The following DNAH12 variants were observed in gnomAD, a reference collection of about 807,000 sequenced individuals.
DNAH12 encodes axonemal beta dynein heavy chain 12.
A neutral mutation model predicts 371.5 loss-of-function variants in DNAH12; 285 were observed. The ratio of observed to expected loss-of-function variants is 0.77; its 90% CI spans 0.70 to 0.85. DNAH12 has a LOEUF of 0.85. Among genes scored for constraint, DNAH12 ranks in the 40% least tolerant of loss-of-function variants. DNAH12 has a pLI of 0.00. For missense variants in DNAH12, 3,611 were observed against 3,689.4 expected (o/e 0.98, Z 0.55); for synonymous variants, 1,200 against 1,213.0 (o/e 0.99, Z 0.22).
At chr3:57,550,203 C>A in the DNAH12 span, among the ~76,000 whole-genome samples, 1 of 152,012 alleles carries the variant, frequency 6.6e-6, no homozygotes, top group South Asian at 2.1e-4. Flanking sequence ...TAGTCCTAAC[C>A]ACCTGGGAGA....
intron 48 of DNAH12, 115 bp from the exon 49 acceptor site, chr3:57,385,120 G>C (rs1268656057): frequency 6.6e-6 from 1 of 152,020 alleles, no homozygotes; most frequent in Admixed American, 6.6e-5. Context: ...AGGATAGAAG[G>C]GTCTATAATA....
At chr3:57,360,375 G>T (rs1289508090) in intron 58 of DNAH12, among the ~76,000 whole-genome samples, 5 of 151,994 alleles carry the variant, frequency 3.3e-5, no homozygotes, top group Non-Finnish European at 7.4e-5. Context: ...CAAAAGGGAA[G>T]GGTGCCTAGA....
At position 57,507,842 on chromosome 3, in the gene DNAH12, T is replaced by C. The variant is rs756380168; in HGVS notation, c.702-4A>G. ...ACAGTCAATTGGACCTTTAGCTCTA[T>C]TTATGAGAAAAAGAAATGTGATTTG... On this transcript the variant is annotated splice_polypyrimidine_tract_variant and splice_region_variant and intron_variant, in intron 7 of 73. Transcript: ENST00000495027. 3.8e-6 allele frequency: 6 copies of C among 1,560,866 alleles called. 1 individual carries two copies. The South Asian group carries it at 6.0e-5, about 16-fold the overall frequency.
At chr3:57,451,246 A>G (rs755308274) in intron 25 of DNAH12, among the ~76,000 whole-genome samples, 3 of 152,260 alleles carry the variant, frequency 2.0e-5, no homozygotes, top group African/African-American at 4.8e-5. Context: ...CAGCACAGGT[A>G]GAGTGGTACT....
intron 11 of DNAH12, among the ~76,000 whole-genome samples, chr3:57,490,404 G>A (rs529037215): frequency 3.9e-5 from 6 of 152,300 alleles, no homozygotes; most frequent in African/African-American, 1.4e-4. Flanking sequence ...TGGAATGTAT[G>A]TCAACTTCTT....
At chr3:57,402,432 A>T in intron 43 of DNAH12, 1 of 1,305,022 alleles carries the variant, frequency 7.7e-7, no homozygotes, top group Non-Finnish European at 1.0e-6. Context: ...ATAAAGCTCT[A>T]AAGAAACTAT....
intron 2 of DNAH12, among the ~76,000 whole-genome samples, chr3:57,526,579 A>C (rs1398902646): frequency 7.9e-6 from 1 of 126,658 alleles, no homozygotes; most frequent in African/African-American, 3.1e-5. Flanking sequence ...GCCAGGCTGG[A>C]GTGTGGTGGC....
chr3:57,519,869 C>T, intron 4 of DNAH12: 1 of 966,158 alleles, frequency 1.0e-6, no homozygotes, highest in Non-Finnish European at 1.7e-6. Context: ...GCGCACATAT[C>T]TCACTCCACG....
chr3:57,390,403 T>G, intron 45 of DNAH12, among the ~76,000 whole-genome samples: 1 of 16,128 alleles, frequency 6.2e-5, no homozygotes, highest in African/African-American at 1.2e-4. Flanking sequence ...ACAGAGATCC[T>G]GTCTCAAAAA....
rs1172591337 is a variant in DNAH12, at chr3:57,401,393, CA to C, written c.6948+1915del. Among the ~76,000 whole-genome samples the C allele has an allele frequency of 1.5e-3, 183 of 120,032 alleles. 1 individual carries two copies. Among genetic ancestry groups the C allele is most frequent in the Admixed American group, 2.0e-3 (24 of 11,932 alleles). The allele number at this position is 120,032 out of a possible 152,430, so 78.7% of individuals were successfully genotyped here. A position where few individuals can be genotyped will look rare whatever the true frequency, so the allele number is the denominator to read the frequency against. Reference sequence around the variant, plus strand: ...GGTGAAACCCATCTCTACTAAAATACAAAAAAAAAAAAAAGAAAAAATTATC... The same window carrying C: ...GGTGAAACCCATCTCTACTAAAATACAAAAAAAAAAAAAGAAAAAATTATC... On this transcript the variant is annotated intron_variant, in intron 43 of 73. Transcript: ENST00000495027.
chr3:57,331,823 C>T (rs2062104208), intron 62 of DNAH12, among the ~76,000 whole-genome samples: 1 of 152,104 alleles, frequency 6.6e-6, no homozygotes, highest in South Asian at 2.1e-4. Flanking sequence ...TAGCAAGAAC[C>T]CTGCTAGCCA....
chr3:57,468,508 A>G (rs2066269279), intron 17 of DNAH12: 1 of 232,090 alleles, frequency 4.3e-6, no homozygotes, highest in African/African-American at 2.3e-5. Flanking sequence ...CCAGCTACTC[A>G]GGAGGCTGAG....
chr3:57,552,809 G>A, the DNAH12 span, among the ~76,000 whole-genome samples: 1 of 152,130 alleles, frequency 6.6e-6, no homozygotes, highest in East Asian at 1.9e-4. Flanking sequence ...AGACCAAGGA[G>A]TTCAAGGCTC....
rs143899517 is a variant in DNAH12 at position 57,516,362 on chromosome 3, C to T, written c.280-5383G>A. On this transcript the variant is annotated intron_variant, in intron 4 of 73. Coordinates refer to ENST00000495027, the MANE Select transcript of DNAH12 (RefSeq NM_001366028.2). ...CAGGCATGAGCCACCATGCCCGGCC[C>T]ATGTACTGCCTAATCTTAAAATTCT... 3.8e-3 allele frequency among the ~76,000 whole-genome samples: 577 copies of T among 152,044 alleles called. 2 individuals carry two copies. Among genetic ancestry groups the T allele is most frequent in the African/African-American group, 0.013 (540 of 41,510 alleles).
chr3:57,425,774 T>C (rs1427520910), intron 34 of DNAH12, among the ~76,000 whole-genome samples: 1 of 133,122 alleles, frequency 7.5e-6, no homozygotes, highest in African/African-American at 3.2e-5. Context: ...AGAAATGAAG[T>C]CTCTAAGAGC....
chr3:57,347,253 T>C (rs2062564065), intron 60 of DNAH12, among the ~76,000 whole-genome samples: 2 of 152,096 alleles, frequency 1.3e-5, no homozygotes, highest in Non-Finnish European at 2.9e-5. Flanking sequence ...AGCAACAAAA[T>C]ACAGCAAATC....
intron 1 of DNAH12, 61 bp from the exon 2 acceptor site, chr3:57,542,964 A>G (rs1459817407): frequency 4.1e-6 from 5 of 1,215,292 alleles, no homozygotes; most frequent in Admixed American, 2.9e-5. Context: ...CATTCATAAC[A>G]TATCTAACAT....
intron 37 of DNAH12, among the ~76,000 whole-genome samples, chr3:57,417,464 C>T (rs1477768954): frequency 6.6e-6 from 1 of 152,094 alleles, no homozygotes; most frequent in Non-Finnish European, 1.5e-5. Flanking sequence ...AACATTAGCT[C>T]TATGAAAATT....
rs1020854001 is a variant in DNAH12, at chr3:57,362,763, T to C, written c.9360+831A>G. On this transcript the variant is annotated intron_variant, in intron 58 of 73. Transcript: ENST00000495027. The stretch of plus-strand genomic sequence containing the variant: ...GTTTAAGTTCTTTGTAGATTCTGGA[T>C]ATTAGCCCTTTGCCAGATGGGTAGA... Among the ~76,000 whole-genome samples the C allele has an allele frequency of 5.6e-3, 851 of 152,332 alleles. 4 individuals carry two copies. Among genetic ancestry groups the C allele is most frequent in the Non-Finnish European group, 7.9e-3 (537 of 68,022 alleles).
Sources: gnomAD v4.1 joint callset for allele counts (sites outside exome capture counted in the v4.1 genomes callset) on GRCh38, gnomAD v4.1.1 for gene constraint, MANE v1.5 for transcripts, NCBI Gene and HGNC (gene_info 2026-07-23, HGNC 2026-07-21) for gene names.